AKAP19: variants seen among roughly 807,000 people sequenced by gnomAD.
AKAP19 encodes A-kinase anchoring protein 19.
chr2:190,187,342 C>G, the AKAP19 span, among the ~76,000 whole-genome samples: 1 of 151,158 alleles, frequency 6.6e-6, no homozygotes. Context: ...CCTGTTAATC[C>G]AGTGTTTAAG....
the AKAP19 span, among the ~76,000 whole-genome samples, chr2:190,175,022 A>C: frequency 1.3e-5 from 2 of 152,236 alleles, no homozygotes; most frequent in East Asian, 1.9e-4. Context: ...CATAGTTCCT[A>C]TCCTCAAGAT....
At chr2:190,188,303 G>C in the AKAP19 span, among the ~76,000 whole-genome samples, 3 of 152,184 alleles carry the variant, frequency 2.0e-5, no homozygotes, top group African/African-American at 7.2e-5. Context: ...TGAGAACTAA[G>C]GTATAAAAGA....
At chr2:190,120,378 C>T in the AKAP19 span, among the ~76,000 whole-genome samples, 1 of 152,110 alleles carries the variant, frequency 6.6e-6, no homozygotes, top group Non-Finnish European at 1.5e-5. Flanking sequence ...GGGCCTGTCT[C>T]AGAGGAAGTG....
chr2:190,172,889 G>A, the AKAP19 span, among the ~76,000 whole-genome samples: 21 of 152,072 alleles, frequency 1.4e-4, no homozygotes, highest in Non-Finnish European at 2.2e-4. Flanking sequence ...GAGGCGTGCC[G>A]ATCACCTGAG....
At chr2:190,083,782 G>A in the AKAP19 span, among the ~76,000 whole-genome samples, 1 of 152,168 alleles carries the variant, frequency 6.6e-6, no homozygotes, top group Non-Finnish European at 1.5e-5. Flanking sequence ...AAAGTGGGAT[G>A]TCACTGCTGC....
chr2:189,924,124 G>C, the AKAP19 span: 28 of 1,611,122 alleles, frequency 1.7e-5, no homozygotes, highest in Admixed American at 4.7e-4. Context: ...AAGATGGGGG[G>C]ATGACCAGCT....
chr2:190,166,238 G>GA, the AKAP19 span, among the ~76,000 whole-genome samples: 2 of 140,660 alleles, frequency 1.4e-5, no homozygotes, highest in Admixed American at 7.5e-5. Flanking sequence ...AAATCTTCTG[G>GA]AAAAATAAAG....
chr2:190,174,931 C>T, the AKAP19 span, among the ~76,000 whole-genome samples: 1 of 152,176 alleles, frequency 6.6e-6, no homozygotes, highest in Middle Eastern at 3.2e-3. Context: ...AAGAATCATG[C>T]CCAACTCCAC....
At chr2:190,074,524 G>A in the AKAP19 span, among the ~76,000 whole-genome samples, 8 of 152,164 alleles carry the variant, frequency 5.3e-5, no homozygotes, top group East Asian at 1.2e-3. Context: ...GGTGGCGCGT[G>A]CCTCTAGTCC....
chr2:190,193,882 C>CA, the AKAP19 span, among the ~76,000 whole-genome samples: 4 of 152,040 alleles, frequency 2.6e-5, no homozygotes, highest in Admixed American at 2.0e-4. Context: ...AAGCTTATAT[C>CA]ACTGATTTAA....
the AKAP19 span, among the ~76,000 whole-genome samples, chr2:189,924,729 T>C: frequency 6.6e-6 from 1 of 152,060 alleles, no homozygotes; most frequent in Admixed American, 6.6e-5. Flanking sequence ...TGAATGAGAG[T>C]TGGCATGTCA....
At chr2:190,075,325 A>G in the AKAP19 span, among the ~76,000 whole-genome samples, 1 of 152,216 alleles carries the variant, frequency 6.6e-6, no homozygotes, top group East Asian at 1.9e-4. Context: ...ATCTTGGTGA[A>G]TGTTTCATGA....
chr2:189,999,357 T>A, the AKAP19 span, among the ~76,000 whole-genome samples: 1 of 152,196 alleles, frequency 6.6e-6, no homozygotes, highest in African/African-American at 2.4e-5. Flanking sequence ...TGAAGTGGGT[T>A]GTTTACTTTC....
the AKAP19 span, among the ~76,000 whole-genome samples, chr2:189,895,720 A>G: frequency 1.3e-5 from 2 of 152,140 alleles, no homozygotes; most frequent in East Asian, 3.8e-4. Flanking sequence ...TCAACATTGG[A>G]AAGAGCAACT....
At chr2:189,979,183 A>C in the AKAP19 span, among the ~76,000 whole-genome samples, 1 of 152,182 alleles carries the variant, frequency 6.6e-6, no homozygotes, top group South Asian at 2.1e-4. Context: ...TTCAATCTAT[A>C]CTACAAGGCT....
At chr2:189,974,979 C>T in the AKAP19 span, among the ~76,000 whole-genome samples, 1 of 152,184 alleles carries the variant, frequency 6.6e-6, no homozygotes, top group Non-Finnish European at 1.5e-5. Flanking sequence ...AGCCCATTTA[C>T]ATTTAAAGTT....
chr2:190,202,388 GT>G, the AKAP19 span: 1 of 166,990 alleles, frequency 6.0e-6, no homozygotes, highest in African/African-American at 2.4e-5. Flanking sequence ...CAGTGAGCTA[GT>G]GGATAAATCA....
At chr2:190,079,755 G>A in the AKAP19 span, among the ~76,000 whole-genome samples, 1 of 152,064 alleles carries the variant, frequency 6.6e-6, no homozygotes, top group Non-Finnish European at 1.5e-5. Flanking sequence ...AGGTTGCAGT[G>A]AGCCGAGATT....
the AKAP19 span, among the ~76,000 whole-genome samples, chr2:189,986,418 CAAAAAA>C: frequency 2.9e-5 from 4 of 139,948 alleles, no homozygotes; most frequent in Non-Finnish European, 4.7e-5. Flanking sequence ...AAAAGAAAAA[CAAAAAA>C]AAAAAGGAAT....
Sources: gnomAD v4.1 joint callset for allele counts (sites outside exome capture counted in the v4.1 genomes callset) on GRCh38, gnomAD v4.1.1 for gene constraint, MANE v1.5 for transcripts, NCBI Gene and HGNC (gene_info 2026-07-23, HGNC 2026-07-21) for gene names.